GZF1: variants seen among roughly 807,000 people sequenced by gnomAD.
GZF1 encodes GDNF inducible zinc finger protein 1.
Under a neutral mutation model 49.4 loss-of-function variants are expected in GZF1, and 28 were observed. The observed-to-expected ratio is 0.57, with a 90% CI of 0.42 to 0.78. The LOEUF is 0.78. Ranked by LOEUF, GZF1 falls within the 30% of genes least tolerant of loss-of-function variation. The pLI is 0.00. For missense variants in GZF1, 798 were observed against 916.2 expected (o/e 0.87, Z 1.67); for synonymous variants, 364 against 356.0 (o/e 1.02, Z -0.25).
At position 23,372,584 on chromosome 20, in the gene GZF1, T is replaced by TCTGTCCCTGAGAACAGAGAAACGTAACC. The variant is rs1458443312; in HGVS notation, c.*2148_*2175dup. 1 of 152,214 alleles carries TCTGTCCCTGAGAACAGAGAAACGTAACC rather than the reference T, an allele frequency of 6.6e-6. No homozygotes were observed. The highest frequency in any genetic ancestry group is 1.5e-5 in the Non-Finnish European group (1 of 68,046). 9.4% of individuals were successfully genotyped at this position (152,214 alleles called of 1,614,324 possible). On this transcript the variant is annotated 3_prime_UTR_variant, in exon 6 of 6. Coordinates refer to ENST00000338121, the MANE Select transcript of GZF1 (RefSeq NM_022482.5). ...ATACGACTTCTACTATATACATTTC[T>TCTGTCCCTGAGAACAGAGAAACGTAACC]CTGTCCCTGAGAACAGAGAAACGTA...
intron 1 of GZF1, among the ~76,000 whole-genome samples, chr20:23,363,883 T>C (rs768692795): frequency 7.9e-5 from 12 of 152,198 alleles, no homozygotes; most frequent in Non-Finnish European, 1.8e-4. Context: ...TCATGGAAAG[T>C]AGTTATTTAG....
upstream of GZF1, chr20:23,362,032 A>G (rs970429861): frequency 6.6e-6 from 1 of 152,198 alleles, no homozygotes; most frequent in African/African-American, 2.4e-5. Context: ...AGATCAGGTA[A>G]CTGCCCGAAC....
Position 23,364,814 on chromosome 20 carries a change from CAG to C in GZF1, c.434_435del (p.Glu145ValfsTer13), listed in dbSNP as rs1287072443. 5 of 1,614,116 alleles carry C rather than the reference CAG, an allele frequency of 3.1e-6. No individual in the cohort carries two copies. The highest frequency in any genetic ancestry group is 3.4e-6 in the Non-Finnish European group (4 of 1,180,060). On this transcript the variant is annotated frameshift_variant, in exon 2 of 6. Transcript: ENST00000338121. LOFTEE classifies it high-confidence loss of function. ...GTACTTTTGGAGTTGCAAAATTTCT[CAG>C]AGTCTCAGGAGGTGGAGGTGAGCAG...
chr20:23,366,961 T>A (rs1276419618), intron 2 of GZF1, 42 bp from the exon 3 acceptor site: 1 of 1,387,712 alleles, frequency 7.2e-7, no homozygotes, highest in Non-Finnish European at 1.0e-6. Context: ...AAGTGAGCTT[T>A]GAAATACATC....
At position 23,365,283 on chromosome 20, in the gene GZF1, A is replaced by AGAG. The variant is rs750609719; in HGVS notation, c.918_920dup (p.Glu306dup). 2.2e-4 allele frequency: 346 copies of AGAG among 1,595,974 alleles called. No individual in the cohort carries two copies. The highest frequency in any genetic ancestry group is 6.8e-5 in the South Asian group (6 of 88,578). On this transcript the variant is annotated inframe_insertion, in exon 2 of 6. Coordinates refer to ENST00000338121, the MANE Select transcript of GZF1 (RefSeq NM_022482.5). ...CAAAGAAAGCAGGGCCGGAGGAGGA[A>AGAG]GAGGAGGAGGAGGAGGAGGACGAAG... is the stretch of plus-strand genomic sequence containing the variant.
Position 23,370,463 on chromosome 20 carries a change from CTG to C in GZF1, c.*24_*25del. 1 of 1,441,350 alleles carries C rather than the reference CTG, an allele frequency of 6.9e-7. No homozygotes were observed. Among genetic ancestry groups the C allele is most frequent in the Non-Finnish European group, 9.7e-7 (1 of 1,028,512 alleles). The allele number at this position is 1,441,350 out of a possible 1,614,324, so 89.3% of individuals were successfully genotyped here. On this transcript the variant is annotated 3_prime_UTR_variant, in exon 6 of 6. Coordinates refer to ENST00000338121, the MANE Select transcript of GZF1 (RefSeq NM_022482.5). ...ATAAGAGCTTCAAGCAGTTCCCATC[CTG>C]TTAGTCTGCGTGTGTGGTAGCTGAA...
intron 5 of GZF1, 111 bp downstream of exon 5, chr20:23,369,852 CTTT>C (rs1053216876): frequency 1.6e-6 from 2 of 1,218,976 alleles, no homozygotes; most frequent in African/African-American, 3.0e-5. Context: ...ACAACAGGTA[CTTT>C]CTCCTTGGGT....
At position 23,368,770 on chromosome 20, in the gene GZF1, C is replaced by A; in HGVS notation, c.1468C>A (p.Pro490Thr). The A allele has an allele frequency of 3.7e-6, 6 of 1,606,928 alleles. No homozygotes were observed. The highest frequency in any genetic ancestry group is 5.1e-6 in the Non-Finnish European group (6 of 1,176,770). The part of the protein sequence containing the change: ...YHKRCHTGER[P>T]FMCETCGKSF... Reference sequence around the variant, plus strand: ...TTCATTTTCTCATGTAGGTGAAAGACCTTTTATGTGTGAAACATGTGGCAA... The same window carrying A: ...TTCATTTTCTCATGTAGGTGAAAGAACTTTTATGTGTGAAACATGTGGCAA... The change falls in exon 4 of 6, where the codon CCT (proline) becomes ACT (threonine). Residue 490 changes from proline (P) to threonine (T), a missense_variant. Physicochemically the swap from Pro to Thr is conservative, Grantham distance 38. This residue lies in a region of GZF1 where 446 missense variants were observed against 540.1 expected (regional missense o/e 0.83). Transcript: ENST00000338121.
chr20:23,368,325 A>G (rs1446908770), intron 3 of GZF1, among the ~76,000 whole-genome samples: 2 of 152,242 alleles, frequency 1.3e-5, no homozygotes, highest in Non-Finnish European at 2.9e-5. Context: ...CTACAATTCA[A>G]TCAAGTTGAT....
rs1415615782 is a variant in GZF1 at position 23,368,809 on chromosome 20, A to G, written c.1507A>G (p.Lys503Glu). Reference sequence around the variant, plus strand: ...AACATGTGGCAAGAGTTTTGCTTCTAAGGAGTACTTAAAACACCACAATAG... The same window carrying G: ...AACATGTGGCAAGAGTTTTGCTTCTGAGGAGTACTTAAAACACCACAATAG... ...CETCGKSFAS[K>E]EYLKHHNRIH... Residue 503 changes from lysine to glutamate, a missense_variant, in exon 4 of 6, where the codon AAG becomes GAG. Physicochemically the swap from Lys to Glu is moderately conservative, Grantham distance 56. This residue lies in a region of GZF1 where 446 missense variants were observed against 540.1 expected (regional missense o/e 0.83). Coordinates refer to ENST00000338121, the MANE Select transcript of GZF1 (RefSeq NM_022482.5). 1.2e-6 allele frequency: 2 copies of G among 1,612,914 alleles called. No homozygotes were observed.
Position 23,368,902 on chromosome 20 carries a change from C to T in GZF1, c.1600C>T (p.Leu534=), listed in dbSNP as rs1568589012. 3.1e-6 allele frequency: 5 copies of T among 1,613,524 alleles called. No individual in the cohort carries two copies. Among genetic ancestry groups the T allele is most frequent in the Non-Finnish European group, 4.2e-6 (5 of 1,179,762 alleles). Residue 534 remains leucine (L), a synonymous_variant, in exon 4 of 6, where the codon CTG becomes TTG. Transcript: ENST00000338121. ...CAGGACTTTTGCCCAGCGGAATTCA[C>T]TGTACCAGCATATTAAAGTCCACAC... is the stretch of plus-strand genomic sequence containing the variant. ...CFRTFAQRNS[L]YQHIKVHTGE...
At position 23,372,161 on chromosome 20, in the gene GZF1, T is replaced by C. The variant is rs929342662; in HGVS notation, c.*1720T>C. 1.5e-4 allele frequency: 23 copies of C among 152,658 alleles called. No homozygotes were observed. The highest frequency in any genetic ancestry group is 5.3e-4 in the African/African-American group (22 of 41,468). The allele number at this position is 152,658 out of a possible 1,614,324, so 9.5% of individuals were successfully genotyped here. On this transcript the variant is annotated 3_prime_UTR_variant, in exon 6 of 6. Coordinates refer to ENST00000338121, the MANE Select transcript of GZF1 (RefSeq NM_022482.5). ...GAAGGAATTGAAACAATAGATCATT[T>C]TGTTACCTACTGGAGGGATTTTTGT... is the stretch of plus-strand genomic sequence containing the variant.
rs765135154 is a variant in GZF1, at chr20:23,365,073, G to C, written c.690G>C (p.Lys230Asn). 1.2e-6 allele frequency: 2 copies of C among 1,614,046 alleles called. No homozygotes were observed. The highest frequency in any genetic ancestry group is 1.7e-6 in the Non-Finnish European group (2 of 1,180,036). The change falls in exon 2 of 6, where the codon AAG becomes AAC. Residue 230 changes from lysine (K) to asparagine (N), a missense_variant. By Grantham distance (94) the Lys-to-Asn change is moderately conservative (BLOSUM62 0). This residue lies in a region of GZF1 where 247 missense variants were observed against 228.5 expected (regional missense o/e 1.08). Transcript: ENST00000338121. ...CTAGTGGAAGGCTGGCTGGGAGGAA[G>C]GTCTTTGTGGAGATCCCTAAAAAGA... ...RRASGRLAGR[K>N]VFVEIPKKKY...
At chr20:23,366,971 C>T in intron 2 of GZF1, 32 bp from the exon 3 acceptor site, 1 of 1,446,772 alleles carries the variant, frequency 6.9e-7, no homozygotes. Context: ...TGAAATACAT[C>T]CTAAGTTATC....
upstream of GZF1, among the ~76,000 whole-genome samples, chr20:23,361,548 C>G (rs1354469155): frequency 1.3e-5 from 2 of 152,102 alleles, no homozygotes; most frequent in Non-Finnish European, 2.9e-5. Context: ...GCCGAGCCCC[C>G]CAGCAGGGCG....
chr20:23,363,443 G>C (rs1370651718), intron 1 of GZF1: 1 of 152,316 alleles, frequency 6.6e-6, no homozygotes, highest in Non-Finnish European at 1.5e-5. Context: ...TTGCATGCCC[G>C]CTGCAGTGGA....
At chr20:23,363,662 T>A (rs1451187748) in intron 1 of GZF1, among the ~76,000 whole-genome samples, 2 of 152,164 alleles carry the variant, frequency 1.3e-5, no homozygotes, top group Admixed American at 1.3e-4. Context: ...AGCCAACAAG[T>A]TTCAGGCTCA....
chr20:23,367,748 T>A (rs1347484183), intron 3 of GZF1, among the ~76,000 whole-genome samples: 1 of 152,238 alleles, frequency 6.6e-6, no homozygotes, highest in Non-Finnish European at 1.5e-5. Context: ...GATTTATTAA[T>A]TATGTGACAG....
At chr20:23,369,848 G>C in intron 5 of GZF1, 107 bp downstream of exon 5, 2 of 1,247,082 alleles carry the variant, frequency 1.6e-6, no homozygotes, top group East Asian at 2.5e-5. Flanking sequence ...CGAGACAACA[G>C]GTACTTTCTC....
Sources: gnomAD v4.1 joint callset for allele counts (sites outside exome capture counted in the v4.1 genomes callset) on GRCh38, gnomAD v4.1.1 for gene constraint, gnomAD v4.1.1 regional missense constraint, MANE v1.5 for transcripts, NCBI Gene and HGNC (gene_info 2026-07-23, HGNC 2026-07-21) for gene names.